Variants in RANBP2 observed in about 807,000 individuals in gnomAD.
RANBP2 encodes the protein E3 SUMO-protein ligase RanBP2.
RANBP2 carries 57 observed loss-of-function variants against 303.6 expected under a neutral mutation model. The observed-to-expected ratio is 0.19, with a 90% CI of 0.15 to 0.23. The LOEUF is 0.23. Ranked by LOEUF, RANBP2 falls within the 10% of genes least tolerant of loss-of-function variation. The pLI, the probability that RANBP2 is intolerant of heterozygous loss-of-function variation, is 1.00. For synonymous variants in RANBP2, 1,167 were observed against 1,301.5 expected, an observed-to-expected ratio of 0.90 and a Z score of 2.23; for missense variants, 3,138 against 3,780.8, an observed-to-expected ratio of 0.83 and a Z score of 4.46.
the RANBP2 span, among the ~76,000 whole-genome samples, chr2:109,494,083 C>A: frequency 2.0e-5 from 3 of 152,318 alleles, no homozygotes; most frequent in Non-Finnish European, 4.4e-5. Flanking sequence ...TAGTTCAAAG[C>A]TGTTCTCATG....
chr2:109,282,937 G>T, the RANBP2 span, among the ~76,000 whole-genome samples: 2 of 152,148 alleles, frequency 1.3e-5, no homozygotes, highest in Admixed American at 1.3e-4. Context: ...GTGTACCAAT[G>T]GTGGCATTGG....
chr2:109,300,481 C>T, the RANBP2 span, among the ~76,000 whole-genome samples: 2 of 152,198 alleles, frequency 1.3e-5, no homozygotes, highest in East Asian at 3.9e-4. Flanking sequence ...CGCCCATCCG[C>T]ACCCTGAGTT....
the RANBP2 span, chr2:109,503,624 G>GTTTAAA: frequency 6.6e-6 from 1 of 152,216 alleles, no homozygotes; most frequent in African/African-American, 2.4e-5. Context: ...TCCTGTGCGT[G>GTTTAAA]TTTAAATTCA....
chr2:109,321,083 A>G, the RANBP2 span, among the ~76,000 whole-genome samples: 1 of 152,246 alleles, frequency 6.6e-6, no homozygotes, highest in Non-Finnish European at 1.5e-5. Context: ...ATTACTACTG[A>G]TAATGATTAG....
chr2:109,136,132 G>T, the RANBP2 span, among the ~76,000 whole-genome samples: 1 of 152,096 alleles, frequency 6.6e-6, no homozygotes, highest in African/African-American at 2.4e-5. Flanking sequence ...CAGATTCGGG[G>T]CTCAGTTTTG....
At chr2:109,614,136 AG>A in the RANBP2 span, 3 of 1,202,550 alleles carry the variant, frequency 2.5e-6, no homozygotes, top group African/African-American at 4.7e-5. Context: ...CTGGGACTCC[AG>A]GAAGACGGCG....
chr2:109,136,662 G>T, the RANBP2 span, among the ~76,000 whole-genome samples: 101 of 152,288 alleles, frequency 6.6e-4, no homozygotes, highest in Non-Finnish European at 1.3e-3. Context: ...CTGCGCTCTT[G>T]GGTAGCACGT....
chr2:109,198,716 C>T, the RANBP2 span, among the ~76,000 whole-genome samples: 39 of 152,126 alleles, frequency 2.6e-4, no homozygotes, highest in Non-Finnish European at 3.7e-4. Flanking sequence ...TAATCCCATT[C>T]GTGAAGGTTC....
At chr2:108,990,124 C>T in the RANBP2 span, among the ~76,000 whole-genome samples, 17 of 152,172 alleles carry the variant, frequency 1.1e-4, no homozygotes, top group Admixed American at 7.9e-4. Flanking sequence ...GGTGAAACTC[C>T]GTCCCTACTA....
the RANBP2 span, chr2:108,794,360 C>T: frequency 6.0e-6 from 1 of 166,772 alleles, no homozygotes; most frequent in East Asian, 1.9e-4. Context: ...TGCTGTATAC[C>T]CTTCACCCAA....
At chr2:109,469,334 G>T in the RANBP2 span, among the ~76,000 whole-genome samples, 1 of 152,212 alleles carries the variant, frequency 6.6e-6, no homozygotes, top group African/African-American at 2.4e-5. Flanking sequence ...TGTGGCATGC[G>T]GCTGGGCCCC....
At chr2:109,324,460 C>T in the RANBP2 span, among the ~76,000 whole-genome samples, 56,056 of 152,048 alleles carry the variant, frequency 0.37, 11,909 homozygotes, top group Non-Finnish European at 0.48. Flanking sequence ...TTCATTATTG[C>T]CAGTCTTTGT....
the RANBP2 span, among the ~76,000 whole-genome samples, chr2:109,551,925 T>A: frequency 2.1e-3 from 317 of 152,320 alleles, no homozygotes; most frequent in African/African-American, 6.7e-3. Context: ...CCCAAGGTCA[T>A]CTAGACCAGG....
chr2:109,596,796 T>C, the RANBP2 span, among the ~76,000 whole-genome samples: 2 of 152,192 alleles, frequency 1.3e-5, no homozygotes, highest in African/African-American at 4.8e-5. Flanking sequence ...TCTCAGTGGA[T>C]AAATGTTTTG....
the RANBP2 span, among the ~76,000 whole-genome samples, chr2:109,282,817 G>T: frequency 2.0e-5 from 3 of 152,158 alleles, no homozygotes; most frequent in Non-Finnish European, 4.4e-5. Flanking sequence ...TCCAGGGCTG[G>T]CAGGCAGGAG....
the RANBP2 span, among the ~76,000 whole-genome samples, chr2:109,236,829 A>C: frequency 6.6e-6 from 1 of 152,212 alleles, no homozygotes; most frequent in African/African-American, 2.4e-5. Flanking sequence ...CTCTCCTCAG[A>C]GATCAAAATT....
the RANBP2 span, among the ~76,000 whole-genome samples, chr2:109,272,502 G>A: frequency 6.6e-6 from 1 of 152,218 alleles, no homozygotes; most frequent in African/African-American, 2.4e-5. Context: ...GCCTCTAACT[G>A]TGTGCTGCAC....
chr2:109,560,529 A>G, the RANBP2 span, among the ~76,000 whole-genome samples: 4 of 152,182 alleles, frequency 2.6e-5, no homozygotes, highest in African/African-American at 9.7e-5. Context: ...CCCTGGTCAC[A>G]CATAGAATTA....
chr2:108,862,323 C>T, the RANBP2 span, among the ~76,000 whole-genome samples: 1 of 152,064 alleles, frequency 6.6e-6, no homozygotes, highest in Non-Finnish European at 1.5e-5. Flanking sequence ...TGTTTCAAAG[C>T]ATTGTGTTTA....
Sources: gnomAD v4.1 joint callset for allele counts (sites outside exome capture counted in the v4.1 genomes callset) on GRCh38, gnomAD v4.1.1 for gene constraint, MANE v1.5 for transcripts, NCBI Gene and HGNC (gene_info 2026-07-23, HGNC 2026-07-21) for gene names.